PCDH11Y: variants seen among roughly 807,000 people sequenced by gnomAD.
The protein encoded by PCDH11Y is protocadherin 11 Y-linked.
For missense variants in PCDH11Y, 12 were observed against 224.8 expected, an observed-to-expected ratio of 0.05 and a Z score of 6.05; for synonymous variants, 9 against 83.6, an observed-to-expected ratio of 0.11 and a Z score of 4.87.
chrY:5,294,244 A>G (rs2053070725), intron 2 of PCDH11Y, among the ~76,000 whole-genome samples: 1 of 32,367 alleles, frequency 3.1e-5, no homozygotes, highest in Non-Finnish European at 7.5e-5. Flanking sequence ...GAGGCTTGCA[A>G]CTATTATCTT....
chrY:5,197,706 AT>A (rs2052921353), intron 2 of PCDH11Y, among the ~76,000 whole-genome samples: 1 of 24,185 alleles, frequency 4.1e-5, no homozygotes, highest in South Asian at 1.2e-3. Flanking sequence ...GGAAACCATC[AT>A]TCTCAGTAAA....
intron 2 of PCDH11Y, among the ~76,000 whole-genome samples, chrY:5,326,164 G>A (rs2053120022): frequency 6.0e-5 from 2 of 33,222 alleles, no homozygotes; most frequent in African/African-American, 1.2e-4. Context: ...GAGGAATTAC[G>A]TCTGACAGAA....
At chrY:5,305,181 C>T in intron 2 of PCDH11Y, among the ~76,000 whole-genome samples, 1 of 32,983 alleles carries the variant, frequency 3.0e-5, no homozygotes, top group African/African-American at 1.2e-4. Flanking sequence ...GTAGGAGAGG[C>T]AAAATTTTGC....
downstream of PCDH11Y, among the ~76,000 whole-genome samples, chrY:5,102,113 T>C: frequency 3.1e-5 from 1 of 31,975 alleles, no homozygotes; most frequent in Admixed American, 2.9e-4. Context: ...CTAGTGTCTG[T>C]ATAGAGAGCT....
chrY:5,118,390 G>T (rs2052814096), intron 2 of PCDH11Y, among the ~76,000 whole-genome samples: 1 of 31,857 alleles, frequency 3.1e-5, no homozygotes, highest in Non-Finnish European at 7.6e-5. Context: ...CACCAGACTT[G>T]GCTATTTTTG....
At chrY:5,062,186 G>A (rs2052676748) in intron 1 of PCDH11Y, among the ~76,000 whole-genome samples, 1 of 30,311 alleles carries the variant, frequency 3.3e-5, no homozygotes, top group East Asian at 8.4e-4. Context: ...AAAGTGATGT[G>A]TAACATTAGA....
intron 4 of PCDH11Y, among the ~76,000 whole-genome samples, chrY:5,641,134 C>A: frequency 3.1e-5 from 1 of 32,638 alleles, no homozygotes; most frequent in South Asian, 6.9e-4. Flanking sequence ...TAGAATTAAT[C>A]TTTTCTCTGG....
intron 4 of PCDH11Y, among the ~76,000 whole-genome samples, chrY:5,603,370 C>T: frequency 3.4e-5 from 1 of 29,785 alleles, no homozygotes. Context: ...TGGAGTAGAT[C>T]AACTAATTAT....
At chrY:5,736,609 G>C in intron 4 of PCDH11Y, among the ~76,000 whole-genome samples, 1 of 31,352 alleles carries the variant, frequency 3.2e-5, no homozygotes, top group African/African-American at 1.2e-4. Flanking sequence ...ATTGACATTT[G>C]AAGACTATAG....
At chrY:5,283,005 C>T in intron 2 of PCDH11Y, among the ~76,000 whole-genome samples, 1 of 33,062 alleles carries the variant, frequency 3.0e-5, no homozygotes, top group Admixed American at 2.8e-4. Context: ...AACAAAAAAC[C>T]GATTTTTGGA....
chrY:5,627,945 C>T (rs1602953852), intron 4 of PCDH11Y, among the ~76,000 whole-genome samples: 1 of 32,614 alleles, frequency 3.1e-5, no homozygotes, highest in East Asian at 8.1e-4. Context: ...GCCTGAAGCA[C>T]ATGCAATTTT....
intron 4 of PCDH11Y, among the ~76,000 whole-genome samples, chrY:5,677,021 A>G: frequency 6.1e-5 from 2 of 32,636 alleles, no homozygotes; most frequent in African/African-American, 1.2e-4. Context: ...TCTCACAGTG[A>G]CATGAAAAAA....
chrY:5,615,924 C>T, intron 4 of PCDH11Y, among the ~76,000 whole-genome samples: 1 of 33,767 alleles, frequency 3.0e-5, no homozygotes, highest in South Asian at 6.6e-4. Flanking sequence ...TACTGCTTAT[C>T]TAGCTACATT....
chrY:5,688,422 T>A, intron 4 of PCDH11Y, among the ~76,000 whole-genome samples: 1 of 32,115 alleles, frequency 3.1e-5, no homozygotes, highest in Non-Finnish European at 7.6e-5. Context: ...TTTAACCTCC[T>A]GATTTTCAGT....
At chrY:5,389,958 G>A in intron 2 of PCDH11Y, among the ~76,000 whole-genome samples, 2 of 31,124 alleles carry the variant, frequency 6.4e-5, no homozygotes, top group Non-Finnish European at 1.5e-4. Context: ...GGTATTATAG[G>A]ATTAAGAGTA....
intron 4 of PCDH11Y, among the ~76,000 whole-genome samples, chrY:5,732,681 G>C: frequency 3.2e-5 from 1 of 31,601 alleles, no homozygotes; most frequent in Non-Finnish European, 7.7e-5. Context: ...TTTGAATCTG[G>C]ATATCTGTCT....
intron 3 of PCDH11Y, among the ~76,000 whole-genome samples, chrY:5,527,959 C>A: frequency 9.0e-5 from 3 of 33,396 alleles, no homozygotes; most frequent in African/African-American, 2.3e-4. Flanking sequence ...ATGGCTGCAC[C>A]AGTAACACTT....
chrY:5,293,612 G>C, intron 2 of PCDH11Y, among the ~76,000 whole-genome samples: 1 of 31,624 alleles, frequency 3.2e-5, no homozygotes, highest in Admixed American at 2.9e-4. Context: ...TAAATCTGAA[G>C]TTTCTTTGTT....
intron 2 of PCDH11Y, among the ~76,000 whole-genome samples, chrY:5,157,168 C>T (rs2052870430): frequency 3.1e-5 from 1 of 32,682 alleles, no homozygotes; most frequent in Non-Finnish European, 7.5e-5. Flanking sequence ...GACAAAAATC[C>T]ATGCATATTT....
Sources: allele counts gnomAD v4.1 joint callset (sites outside exome capture counted in the v4.1 genomes callset), GRCh38; gene constraint gnomAD v4.1.1; transcripts MANE v1.5; gene names NCBI Gene and HGNC (gene_info 2026-07-23, HGNC 2026-07-21).